The following SPMIP5 variants were observed in gnomAD, a reference collection of about 807,000 sequenced individuals.
SPMIP5 encodes the protein sperm microtubule inner protein 5.
chr10:116,665,404 CAAAAAA>C, the SPMIP5 span: 9 of 281,334 alleles, frequency 3.2e-5, no homozygotes, highest in East Asian at 5.1e-5. Flanking sequence ...GACTCCGTCT[CAAAAAA>C]AAAAAAAAAA....
chr10:116,664,606 G>A, the SPMIP5 span: 4 of 1,399,606 alleles, frequency 2.9e-6, no homozygotes, highest in Non-Finnish European at 3.8e-6. Flanking sequence ...GCCTACTGGG[G>A]AAGCCCTGAA....
chr10:116,664,951 TAA>T, the SPMIP5 span: 5 of 1,608,708 alleles, frequency 3.1e-6, no homozygotes, highest in Non-Finnish European at 3.4e-6. Flanking sequence ...TTGCATTCTG[TAA>T]AAAGACACCA....
the SPMIP5 span, chr10:116,664,050 A>G: frequency 6.3e-7 from 1 of 1,597,346 alleles, no homozygotes; most frequent in Non-Finnish European, 8.5e-7. Flanking sequence ...GGCAGCTTCC[A>G]TCTAGGAGAG....
At chr10:116,668,224 G>A in the SPMIP5 span, 22 of 1,602,094 alleles carry the variant, frequency 1.4e-5, no homozygotes, top group Non-Finnish European at 1.8e-5. Context: ...GGGTTCCCCT[G>A]CCAGGCACAG....
chr10:116,664,357 T>C, the SPMIP5 span: 2 of 942,482 alleles, frequency 2.1e-6, no homozygotes, highest in African/African-American at 3.3e-5. Context: ...AATACATAAA[T>C]ATGAGTAAAT....
the SPMIP5 span, chr10:116,665,472 A>T: frequency 1.6e-6 from 1 of 629,680 alleles, no homozygotes; most frequent in South Asian, 3.1e-5. Flanking sequence ...TAAGAAATGG[A>T]GCCTTTGCAT....
the SPMIP5 span, among the ~76,000 whole-genome samples, chr10:116,663,197 AAAAAG>A: frequency 8.6e-5 from 13 of 151,736 alleles, no homozygotes; most frequent in Non-Finnish European, 1.2e-4. Flanking sequence ...AAAAAAAAAA[AAAAAG>A]AAGATGGCCG....
At chr10:116,668,685 C>G in the SPMIP5 span, among the ~76,000 whole-genome samples, 1 of 151,962 alleles carries the variant, frequency 6.6e-6, no homozygotes, top group Non-Finnish European at 1.5e-5. Context: ...TCTGAGCAAG[C>G]CCAGAAGCCC....
chr10:116,665,284 C>T, the SPMIP5 span: 1 of 420,248 alleles, frequency 2.4e-6, no homozygotes, highest in Non-Finnish European at 3.8e-6. Flanking sequence ...GTAGTCTCAG[C>T]TACTTGGCTG....
chr10:116,665,408 A>AG, the SPMIP5 span: 1 of 451,622 alleles, frequency 2.2e-6, no homozygotes, highest in African/African-American at 2.0e-5. Flanking sequence ...CCGTCTCAAA[A>AG]AAAAAAAAAA....
chr10:116,663,724 A>G, the SPMIP5 span: 10 of 644,026 alleles, frequency 1.6e-5, no homozygotes, highest in South Asian at 2.1e-4. Flanking sequence ...TTATTCCCAC[A>G]TGACAAAAAA....
At chr10:116,662,643 G>T in the SPMIP5 span, among the ~76,000 whole-genome samples, 8 of 152,256 alleles carry the variant, frequency 5.3e-5, no homozygotes, top group African/African-American at 1.9e-4. Flanking sequence ...CATTGTCCCA[G>T]GAGCTGTTAT....
the SPMIP5 span, chr10:116,664,473 T>A: frequency 2.7e-6 from 2 of 754,348 alleles, no homozygotes; most frequent in Non-Finnish European, 4.0e-6. Context: ...CCTTGGGCCT[T>A]AAGCCACTGC....
At chr10:116,666,191 A>T in the SPMIP5 span, among the ~76,000 whole-genome samples, 1 of 152,254 alleles carries the variant, frequency 6.6e-6, no homozygotes, top group Non-Finnish European at 1.5e-5. Flanking sequence ...CTTTTTAAAG[A>T]GAAAGCTTAT....
the SPMIP5 span, chr10:116,664,824 C>T: frequency 6.2e-7 from 1 of 1,614,178 alleles, no homozygotes; most frequent in South Asian, 1.1e-5. Flanking sequence ...GTCCTTGTAG[C>T]AGTTTTTGGC....
At chr10:116,670,148 G>T in the SPMIP5 span, 7 of 152,462 alleles carry the variant, frequency 4.6e-5, no homozygotes, top group East Asian at 1.2e-3. Flanking sequence ...GGGCATCTGC[G>T]CAGTAAACAT....
At chr10:116,663,424 A>G in the SPMIP5 span, among the ~76,000 whole-genome samples, 1 of 152,136 alleles carries the variant, frequency 6.6e-6, no homozygotes, top group African/African-American at 2.4e-5. Context: ...AGTTTGTGGG[A>G]CTTTGTGGAG....
the SPMIP5 span, among the ~76,000 whole-genome samples, chr10:116,667,440 C>T: frequency 2.0e-5 from 3 of 152,104 alleles, no homozygotes; most frequent in African/African-American, 7.2e-5. Flanking sequence ...TTGTACTTAC[C>T]ACAGAGAGGC....
chr10:116,668,239 A>G, the SPMIP5 span: 1 of 1,610,594 alleles, frequency 6.2e-7, no homozygotes, highest in East Asian at 2.2e-5. Context: ...GCACAGCTGC[A>G]GGGTACGTCC....
Sources: allele counts gnomAD v4.1 joint callset (sites outside exome capture counted in the v4.1 genomes callset), GRCh38; gene constraint gnomAD v4.1.1; transcripts MANE v1.5; gene names NCBI Gene and HGNC (gene_info 2026-07-23, HGNC 2026-07-21).